Variants in NUDT3 observed in about 807,000 individuals in gnomAD.
The protein encoded by NUDT3 is nudix hydrolase 3.
In NUDT3, 9 loss-of-function variants were observed where a neutral mutation model predicts 23.6. That is an observed-to-expected ratio of 0.38 (90% CI 0.23 to 0.66). NUDT3 has a LOEUF of 0.66. Ranked by LOEUF, NUDT3 falls within the 30% of genes least tolerant of loss-of-function variation. The pLI, the probability that NUDT3 is intolerant of heterozygous loss-of-function variation, is 0.52. For missense variants in NUDT3, 172 were observed against 218.5 expected (o/e 0.79, Z 1.34); for synonymous variants, 86 against 82.6 (o/e 1.04, Z -0.22).
chr6:34,328,146 G>A (rs762398078), intron 2 of NUDT3, among the ~76,000 whole-genome samples: 1 of 151,842 alleles, frequency 6.6e-6, no homozygotes, highest in Non-Finnish European at 1.5e-5. Context: ...TCTTGCCTCG[G>A]CACCTGGGTA....
At chr6:34,376,424 A>G (rs1764923857) in intron 1 of NUDT3, among the ~76,000 whole-genome samples, 1 of 152,042 alleles carries the variant, frequency 6.6e-6, no homozygotes, top group African/African-American at 2.4e-5. Flanking sequence ...GACTACAGGC[A>G]TGCACCACCA....
chr6:34,367,512 TAAATA>T (rs1477091219), intron 1 of NUDT3, among the ~76,000 whole-genome samples: 31 of 148,390 alleles, frequency 2.1e-4, no homozygotes, highest in Admixed American at 2.1e-3. Context: ...AAAAATGTAA[TAAATA>T]AAAGGTACTA....
Position 34,293,509 on chromosome 6 carries a change from A to G in NUDT3, c.282T>C (p.Tyr94=). The part of the protein sequence containing the change: ...FENQERKHRT[Y]VYVLIVTEVL... ...CTTCAGTGACAATGAGCACATAGAC[A>G]TACGTCCTGTGCTTCCTCTCCTGGT... is the stretch of plus-strand genomic sequence containing the variant. The change falls in exon 4 of 5, where the codon TAT becomes TAC. Residue 94 remains tyrosine (Y), a synonymous_variant. Coordinates refer to ENST00000607016, the MANE Select transcript of NUDT3 (RefSeq NM_006703.4). 6.2e-7 allele frequency: 1 copy of G among 1,614,202 alleles called. No homozygotes were observed. The highest frequency in any genetic ancestry group is 8.5e-7 in the Non-Finnish European group (1 of 1,180,022).
At chr6:34,348,482 A>G (rs1764415345) in intron 1 of NUDT3, among the ~76,000 whole-genome samples, 1 of 151,760 alleles carries the variant, frequency 6.6e-6, no homozygotes, top group Admixed American at 6.6e-5. Context: ...ACCCTGTCTC[A>G]AAAAAAAGAA....
intron 2 of NUDT3, among the ~76,000 whole-genome samples, chr6:34,335,422 T>G (rs1764194237): frequency 6.6e-6 from 1 of 152,034 alleles, no homozygotes; most frequent in Non-Finnish European, 1.5e-5. Context: ...CAATAAATAT[T>G]TTATAATTTA....
chr6:34,299,616 T>C (rs967076814), intron 2 of NUDT3, among the ~76,000 whole-genome samples: 2 of 151,224 alleles, frequency 1.3e-5, no homozygotes, highest in Admixed American at 6.6e-5. Flanking sequence ...TTTTTTTTTT[T>C]TTTTAAAGTC....
chr6:34,323,585 A>C (rs1763978337), intron 2 of NUDT3, among the ~76,000 whole-genome samples: 1 of 152,134 alleles, frequency 6.6e-6, no homozygotes, highest in African/African-American at 2.4e-5. Context: ...AGAGAAAAGA[A>C]ACAAGAAACA....
intron 1 of NUDT3, among the ~76,000 whole-genome samples, chr6:34,373,395 C>T (rs1764868584): frequency 9.1e-6 from 1 of 109,398 alleles, no homozygotes; most frequent in East Asian, 4.0e-4. Context: ...TTCCTTCATA[C>T]GTTTTGGGGG....
intron 2 of NUDT3, among the ~76,000 whole-genome samples, chr6:34,340,583 C>T (rs570836850): frequency 1.3e-5 from 2 of 152,142 alleles, no homozygotes; most frequent in East Asian, 3.9e-4. Flanking sequence ...TGGTTCTACC[C>T]GGGTTAGCCT....
intron 2 of NUDT3, among the ~76,000 whole-genome samples, chr6:34,309,214 CA>C (rs35402857): frequency 0.097 from 14,528 of 149,806 alleles, 801 homozygotes; most frequent in Non-Finnish European, 0.12. Flanking sequence ...AACCCTATCT[CA>C]AAAAAAAGAA....
At chr6:34,363,531 T>C (rs1764680221) in intron 1 of NUDT3, among the ~76,000 whole-genome samples, 6 of 152,116 alleles carry the variant, frequency 3.9e-5, no homozygotes, top group Admixed American at 3.9e-4. Context: ...AACTCAGCAG[T>C]TGTGAGAGAT....
chr6:34,375,712 T>C (rs1764911894), intron 1 of NUDT3, among the ~76,000 whole-genome samples: 1 of 152,180 alleles, frequency 6.6e-6, no homozygotes, highest in South Asian at 2.1e-4. Context: ...TTATCCACCT[T>C]CCAATCTCCG....
chr6:34,293,315 G>T, intron 4 of NUDT3, 136 bp downstream of exon 4: 1 of 980,116 alleles, frequency 1.0e-6, no homozygotes, highest in Non-Finnish European at 1.6e-6. Flanking sequence ...TCCTGTGTTG[G>T]CCTTCCAAAG....
At chr6:34,344,330 C>T (rs1439864245) in intron 1 of NUDT3, among the ~76,000 whole-genome samples, 1 of 151,940 alleles carries the variant, frequency 6.6e-6, no homozygotes, top group Non-Finnish European at 1.5e-5. Context: ...CAAAATGTGG[C>T]CTATACACAC....
At chr6:34,376,211 A>C (rs576981145) in intron 1 of NUDT3, among the ~76,000 whole-genome samples, 3 of 152,196 alleles carry the variant, frequency 2.0e-5, no homozygotes, top group Admixed American at 6.5e-5. Flanking sequence ...CAGGATCAAA[A>C]TTTAAAAGTC....
chr6:34,297,760 A>ATATATTTTTTTTTTT (rs1763535832), intron 2 of NUDT3, among the ~76,000 whole-genome samples: 3 of 53,654 alleles, frequency 5.6e-5, no homozygotes, highest in African/African-American at 3.2e-4. Context: ...TATATATATA[A>ATATATTTTTTTTTTT]TTTTTTTTTT....
rs375103637 is a variant in NUDT3, at chr6:34,392,261, C to G, written c.99+3G>C. On this transcript the variant is annotated splice_donor_region_variant and intron_variant, in intron 1 of 4. Transcript: ENST00000607016. ...CCCCGGCCCGCCCAGCCTGCCGCCT[C>G]ACCTCCTCCTCGCTCTCGCTGCGGA... is the stretch of plus-strand genomic sequence containing the variant. 2 of 1,590,868 alleles carry G rather than the reference C, an allele frequency of 1.3e-6. No individual in the cohort carries two copies. Among genetic ancestry groups the G allele is most frequent in the Non-Finnish European group, 1.7e-6 (2 of 1,173,812 alleles).
chr6:34,369,362 A>C (rs549333839), intron 1 of NUDT3, among the ~76,000 whole-genome samples: 2 of 152,382 alleles, frequency 1.3e-5, no homozygotes, highest in South Asian at 4.1e-4. Context: ...CATCATTCAG[A>C]AACAAAATTA....
intron 1 of NUDT3, among the ~76,000 whole-genome samples, chr6:34,365,052 G>T (rs1764706261): frequency 6.6e-6 from 1 of 151,974 alleles, no homozygotes; most frequent in South Asian, 2.1e-4. Flanking sequence ...TAAAATAAAA[G>T]AACCAATCAG....
Sources: gnomAD v4.1 joint callset for allele counts (sites outside exome capture counted in the v4.1 genomes callset) on GRCh38, gnomAD v4.1.1 for gene constraint, MANE v1.5 for transcripts, NCBI Gene and HGNC (gene_info 2026-07-23, HGNC 2026-07-21) for gene names.